RBFOX1: variants seen among roughly 807,000 people sequenced by gnomAD.
RBFOX1 encodes RNA binding protein fox-1 homolog 1.
RBFOX1 carries 8 observed loss-of-function variants against 57.7 expected under a neutral mutation model. The observed-to-expected ratio is 0.14, with a 90% CI of 0.08 to 0.25. The LOEUF is 0.25. Among genes scored for constraint, RBFOX1 ranks in the 10% least tolerant of loss-of-function variants. RBFOX1 has a pLI of 1.00. For missense variants in RBFOX1, 611 were observed against 548.5 expected, an observed-to-expected ratio of 1.11 and a Z score of -1.14; for synonymous variants, 326 against 222.4, an observed-to-expected ratio of 1.47 and a Z score of -4.15.
intron 3 of RBFOX1, among the ~76,000 whole-genome samples, chr16:6,795,147 T>C (rs1262404056): frequency 2.0e-5 from 3 of 152,198 alleles, no homozygotes; most frequent in Non-Finnish European, 4.4e-5. Context: ...GTTCTGTTGA[T>C]TCATAGTAAG....
chr16:7,187,269 T>C (rs373017453), intron 4 of RBFOX1, among the ~76,000 whole-genome samples: 2 of 151,830 alleles, frequency 1.3e-5, no homozygotes, highest in Admixed American at 1.3e-4. Context: ...TAACACAGGA[T>C]ATAAATAATT....
rs78713371 is a variant in RBFOX1, at chr16:6,168,187, A to T, written c.-127+148195A>T. Among the ~76,000 whole-genome samples, 5 of 152,320 alleles carry T rather than the reference A, an allele frequency of 3.3e-5. No individual in the cohort carries two copies. The East Asian group carries it at 9.7e-4, about 29-fold the overall frequency. Reference sequence around the variant, plus strand: ...CAAGAACAGGCTCACATCAACCCTGATATACGTTGCTTAAGAATAATGCTC... The same window carrying T: ...CAAGAACAGGCTCACATCAACCCTGTTATACGTTGCTTAAGAATAATGCTC... On this transcript the variant is annotated intron_variant, in intron 1 of 15. Transcript: ENST00000550418.
At chr16:6,735,266 T>G (rs185301279) in intron 3 of RBFOX1, among the ~76,000 whole-genome samples, 11 of 152,278 alleles carry the variant, frequency 7.2e-5, no homozygotes, top group Admixed American at 5.2e-4. Context: ...TTAAGTACAC[T>G]TGCCTCCTAC....
intron 3 of RBFOX1, among the ~76,000 whole-genome samples, chr16:6,760,249 T>C (rs1011283125): frequency 2.0e-5 from 3 of 152,206 alleles, no homozygotes; most frequent in Non-Finnish European, 4.4e-5. Context: ...GGAAACAAAT[T>C]GCAAATGGTT....
chr16:7,305,135 G>A (rs747626125), intron 4 of RBFOX1, among the ~76,000 whole-genome samples: 19 of 152,040 alleles, frequency 1.2e-4, no homozygotes, highest in Non-Finnish European at 1.9e-4. Context: ...GTGTGTGCGT[G>A]TGTGGGTTTT....
intron 1 of RBFOX1, among the ~76,000 whole-genome samples, chr16:6,305,829 G>C (rs1484102225): frequency 2.6e-5 from 4 of 151,966 alleles, no homozygotes; most frequent in Non-Finnish European, 5.9e-5. Context: ...TGACTTCCAA[G>C]TTCAAAGCTC....
intron 4 of RBFOX1, among the ~76,000 whole-genome samples, chr16:7,325,133 G>A (rs537442223): frequency 1.3e-5 from 2 of 152,274 alleles, no homozygotes; most frequent in East Asian, 3.9e-4. Flanking sequence ...CCAACCAGCT[G>A]CTAATTCTGT....
At chr16:5,885,906 A>G (rs531248183) in intron 4 of RBFOX1, among the ~76,000 whole-genome samples, 1 of 152,100 alleles carries the variant, frequency 6.6e-6, no homozygotes, top group Non-Finnish European at 1.5e-5. Context: ...GTTGAATTGT[A>G]ATCCTCGATG....
intron 4 of RBFOX1, among the ~76,000 whole-genome samples, chr16:7,191,047 C>A (rs17142828): frequency 6.6e-6 from 1 of 151,908 alleles, no homozygotes; most frequent in Non-Finnish European, 1.5e-5. Context: ...CAATCCTATT[C>A]GGGGACCCCT....
At chr16:6,240,080 G>A (rs771760760) in intron 1 of RBFOX1, among the ~76,000 whole-genome samples, 2 of 152,012 alleles carry the variant, frequency 1.3e-5, no homozygotes, top group African/African-American at 2.4e-5. Context: ...AACGCATCTC[G>A]CTCTACTCCT....
intron 13 of RBFOX1, among the ~76,000 whole-genome samples, chr16:7,675,236 C>T (rs980303796): frequency 5.5e-5 from 8 of 145,826 alleles, no homozygotes; most frequent in Non-Finnish European, 1.2e-4. Context: ...CTCTTTAGTC[C>T]GTCACTCTGT....
intron 1 of RBFOX1, among the ~76,000 whole-genome samples, chr16:6,189,041 C>G (rs774207697): frequency 1.3e-5 from 2 of 152,220 alleles, no homozygotes; most frequent in African/African-American, 2.4e-5. Flanking sequence ...AACCTGGGCA[C>G]AGATGCTAAG....
intron 3 of RBFOX1, among the ~76,000 whole-genome samples, chr16:6,675,868 G>A (rs559758156): frequency 7.9e-5 from 12 of 152,148 alleles, no homozygotes; most frequent in Admixed American, 2.6e-4. Flanking sequence ...TACAGTTCAC[G>A]ATGAGATTTG....
intron 4 of RBFOX1, among the ~76,000 whole-genome samples, chr16:7,353,365 G>T (rs1195521231): frequency 6.6e-6 from 1 of 152,102 alleles, no homozygotes; most frequent in East Asian, 1.9e-4. Context: ...TTGCTGGCAG[G>T]AATGTAAAAT....
chr16:6,993,297 G>A (rs144321555), intron 3 of RBFOX1, among the ~76,000 whole-genome samples: 52 of 152,312 alleles, frequency 3.4e-4, no homozygotes, highest in African/African-American at 1.1e-3. Flanking sequence ...AGTCTTCTGA[G>A]AATCAGGATC....
chr16:5,856,187 CTATA>C lies in RBFOX1; in HGVS notation c.319-11099_319-11096del, dbSNP rs1200113050. The stretch of plus-strand genomic sequence containing the variant: ...TCTCTCTCTCTCTCTCTCTCTCTCT[CTATA>C]TATATATATATATATACATATATAT... On this transcript the variant is annotated intron_variant, in intron 3 of 19. Transcript: ENST00000641259. Among the ~76,000 whole-genome samples, 125 of 31,040 alleles carry C rather than the reference CTATA, an allele frequency of 4.0e-3. 1 individual carries two copies. Among genetic ancestry groups the C allele is most frequent in the South Asian group, 0.012 (10 of 828 alleles). The allele number at this position is 31,040 out of a possible 152,430, so 20.4% of individuals were successfully genotyped here.
chr16:6,524,832 C>T (rs995494069), intron 2 of RBFOX1, among the ~76,000 whole-genome samples: 16 of 152,154 alleles, frequency 1.1e-4, no homozygotes, highest in African/African-American at 3.6e-4. Context: ...GGCTCCTTCT[C>T]TGTGTGTCTG....
chr16:6,690,883 C>G lies in RBFOX1; in HGVS notation c.-16+36233C>G, dbSNP rs147727050. ...CCCCCCTTGGACTCTGAAACATAAT[C>G]AGGGGAATTGGCAGGTTTGGGTTTT... is the stretch of plus-strand genomic sequence containing the variant. On this transcript the variant is annotated intron_variant, in intron 3 of 15. Transcript: ENST00000550418. Among the ~76,000 whole-genome samples the G allele has an allele frequency of 1.0e-3, 157 of 151,500 alleles. 5 individuals are homozygous for G. In the East Asian group the frequency reaches 0.026, roughly 25 times the overall value.
chr16:5,656,705 C>T (rs1301911326), intron 3 of RBFOX1, among the ~76,000 whole-genome samples: 1 of 152,184 alleles, frequency 6.6e-6, no homozygotes, highest in Non-Finnish European at 1.5e-5. Flanking sequence ...TCTCTTCATC[C>T]ATACCCCTGC....
Sources: gnomAD v4.1 joint callset for allele counts (sites outside exome capture counted in the v4.1 genomes callset) on GRCh38, gnomAD v4.1.1 for gene constraint, MANE v1.5 for transcripts, NCBI Gene and HGNC (gene_info 2026-07-23, HGNC 2026-07-21) for gene names.